Variants in TPRA1 observed in about 807,000 individuals in gnomAD.
The protein encoded by TPRA1 is transmembrane protein adipocyte-associated 1.
In TPRA1, 28 loss-of-function variants were observed where a neutral mutation model predicts 40.1. That is an observed-to-expected ratio of 0.70 (90% confidence interval 0.52 to 0.96). The LOEUF (loss-of-function observed/expected upper bound fraction) is 0.96, where lower values mean the gene tolerates loss of function less well. Among genes scored for constraint, TPRA1 ranks in the 40% least tolerant of loss-of-function variants. The pLI is 0.00. For synonymous variants in TPRA1, 219 were observed against 209.7 expected, an observed-to-expected ratio of 1.04 and a Z score of -0.38; for missense variants, 441 against 482.6, an observed-to-expected ratio of 0.91 and a Z score of 0.81.
At chr3:127,595,216 C>T (rs2074229533), upstream of TPRA1, among the ~76,000 whole-genome samples, 1 of 152,242 alleles carries the variant, frequency 6.6e-6, no homozygotes, top group South Asian at 2.1e-4. Context: ...AGGCTGCCTA[C>T]TCACCCCACC....
At chr3:127,589,919 C>T (rs1341608831) in intron 1 of TPRA1, among the ~76,000 whole-genome samples, 1 of 152,216 alleles carries the variant, frequency 6.6e-6, no homozygotes, top group South Asian at 2.1e-4. Flanking sequence ...GAGAAGAGGG[C>T]AAAGCCAGCC....
intron 1 of TPRA1, among the ~76,000 whole-genome samples, chr3:127,596,177 T>C (rs1159182262): frequency 1.3e-5 from 2 of 152,218 alleles, no homozygotes; most frequent in Admixed American, 6.5e-5. Flanking sequence ...CCTCCAGTGT[T>C]CAAGTGATTC....
chr3:127,581,354 C>G (rs1461377926), intron 1 of TPRA1, among the ~76,000 whole-genome samples: 4 of 152,174 alleles, frequency 2.6e-5, no homozygotes, highest in Admixed American at 2.6e-4. Flanking sequence ...AAAGAACAAC[C>G]CACTGCTACA....
intron 1 of TPRA1, among the ~76,000 whole-genome samples, chr3:127,589,838 GAAC>G (rs2074114808): frequency 6.6e-6 from 1 of 152,212 alleles, no homozygotes; most frequent in Non-Finnish European, 1.5e-5. Flanking sequence ...GTTATGACGG[GAAC>G]AACTGAATCT....
Position 127,575,487 on chromosome 3 carries a change from A to G in TPRA1, c.689T>C (p.Val230Ala), listed in dbSNP as rs899440348. 1.9e-6 allele frequency: 3 copies of G among 1,589,916 alleles called. No homozygotes were observed. The highest frequency in any genetic ancestry group is 2.6e-6 in the Non-Finnish European group (3 of 1,169,072). ...GAGCAGTGCCAGGATGCCCGCATAC[A>G]CGTAGAAGCTCCTCCGAGCTGGGGG... ...ISLPSRRSFYVYAGILALLNL... is the reference protein window; with the variant it reads ...ISLPSRRSFYAYAGILALLNL... Residue 230 changes from valine (V) to alanine (A), a missense_variant, in exon 9 of 11, where the codon GTG becomes GCG. Val to Ala is a moderately conservative substitution (Grantham distance 64). Coordinates refer to ENST00000355552, the MANE Select transcript of TPRA1 (RefSeq NM_001136053.4).
intron 10 of TPRA1, 128 bp downstream of exon 10, chr3:127,575,057 T>C (rs747530492): frequency 1.5e-5 from 15 of 978,882 alleles, no homozygotes; most frequent in South Asian, 4.7e-5. Flanking sequence ...CAAGTGCATG[T>C]ATGTATGTGC....
At chr3:127,583,084 T>A (rs1306876608) in intron 1 of TPRA1, among the ~76,000 whole-genome samples, 1 of 149,632 alleles carries the variant, frequency 6.7e-6, no homozygotes, top group African/African-American at 2.5e-5. Context: ...AGGCATAGGT[T>A]ACGTTTAGCT....
chr3:127,582,699 C>T (rs1197460631), intron 1 of TPRA1, among the ~76,000 whole-genome samples: 4 of 137,242 alleles, frequency 2.9e-5, no homozygotes, highest in Admixed American at 1.5e-4. Context: ...AAGACTCTGT[C>T]TCAAAAAAAA....
At chr3:127,581,920 T>C (rs1440230427) in intron 1 of TPRA1, among the ~76,000 whole-genome samples, 2 of 127,828 alleles carry the variant, frequency 1.6e-5, no homozygotes, top group South Asian at 4.8e-4. Context: ...AGACTCCATC[T>C]CAAAAAAAAA....
At chr3:127,598,107 C>A (rs562754596) in exon 1 of TPRA1, 1 of 380,866 alleles carries the variant, frequency 2.6e-6, no homozygotes, top group African/African-American at 2.2e-5. Flanking sequence ...CGCCCGGCCT[C>A]TGTTGTCTTG....
chr3:127,579,867 C>T lies in TPRA1; in HGVS notation c.131G>A (p.Arg44Gln), dbSNP rs777525599. ...GATGAGCAGCAAGAGGTCCCAGTACCGGACCCTGGCGGATGGGCACAGGAG... is the reference window on the plus strand; with the variant it reads ...GATGAGCAGCAAGAGGTCCCAGTACTGGACCCTGGCGGATGGGCACAGGAG... ...LYEDIGTSRV[R>Q]YWDLLLLIPN... is the part of the protein sequence containing the mutation. Residue 44 changes from arginine (R) to glutamine (Q), a missense_variant, in exon 3 of 11, where the codon CGG (arginine) becomes CAG (glutamine). By Grantham distance (43) the Arg-to-Gln change is conservative (BLOSUM62 1). Transcript: ENST00000355552. The T allele has an allele frequency of 9.9e-6, 16 of 1,613,426 alleles. No homozygotes were observed. Among genetic ancestry groups the T allele is most frequent in the South Asian group, 5.5e-5 (5 of 91,072 alleles).
At chr3:127,584,120 TAAAAAGCAAACTTGGAAAAAAAAA>T (rs2073922282) in intron 1 of TPRA1, among the ~76,000 whole-genome samples, 1 of 144,312 alleles carries the variant, frequency 6.9e-6, no homozygotes, top group Non-Finnish European at 1.5e-5. Context: ...AAACCCTATT[TAAAAAGCAAACTTGGAAAAAAAAA>T]AAAAAGCAAA....
At chr3:127,574,327 C>A (rs1027882252) in intron 10 of TPRA1, among the ~76,000 whole-genome samples, 7 of 152,236 alleles carry the variant, frequency 4.6e-5, no homozygotes, top group Non-Finnish European at 8.8e-5. Flanking sequence ...CCAGCTTCAC[C>A]CAGGTGGGAG....
chr3:127,587,004 C>T (rs1455978721), intron 1 of TPRA1: 1 of 152,230 alleles, frequency 6.6e-6, no homozygotes, highest in Non-Finnish European at 1.5e-5. Flanking sequence ...AGACTCTAGA[C>T]TCTCTGGAAG....
chr3:127,598,117 G>A (rs2074265686), exon 1 of TPRA1: 2 of 401,504 alleles, frequency 5.0e-6, no homozygotes, highest in Admixed American at 4.1e-5. Context: ...CTGTTGTCTT[G>A]TCAGCAAAAT....
rs149026727 is a variant in TPRA1 at position 127,573,707 on chromosome 3, G to A, written c.936C>T (p.Tyr312=). The part of the protein sequence containing the change: ...EEPDVHLPQP[Y]AVARREGLEA... ...CCAGGCCCTCCCGCCGGGCCACAGCGTAGGGCTGGGGTAGGTGTACATCTG... is the reference window on the plus strand; with the variant it reads ...CCAGGCCCTCCCGCCGGGCCACAGCATAGGGCTGGGGTAGGTGTACATCTG... Residue 312 remains tyrosine, a synonymous_variant, in exon 11 of 11, where the codon TAC becomes TAT. Coordinates refer to ENST00000355552, the MANE Select transcript of TPRA1 (RefSeq NM_001136053.4). 124 of 1,613,076 alleles carry A rather than the reference G, an allele frequency of 7.7e-5. No homozygotes were observed. Among genetic ancestry groups the A allele is most frequent in the Admixed American group, 1.3e-4 (8 of 59,968 alleles).
In TPRA1 at chr3:127,573,654, G is replaced by A. The variant is rs1361223438; in HGVS notation, c.989C>T (p.Ala330Val). 1 of 1,613,494 alleles carries A rather than the reference G, an allele frequency of 6.2e-7. No individual in the cohort carries two copies. The highest frequency in any genetic ancestry group is 2.2e-5 in the East Asian group (1 of 44,880). ...LEAAGAAGASAASYSSTQFDS... is the reference protein window; with the variant it reads ...LEAAGAAGASVASYSSTQFDS... ...GAACTGCGTGCTCGAGTAGCTGGCA[G>A]CTGAGGCCCCAGCAGCCCCTGCAGC... Residue 330 changes from alanine (A) to valine (V), a missense_variant, in exon 11 of 11, where the codon GCT (alanine) becomes GTT (valine). Transcript: ENST00000355552.
At chr3:127,584,044 C>T (rs1244372084) in intron 1 of TPRA1, among the ~76,000 whole-genome samples, 1 of 151,462 alleles carries the variant, frequency 6.6e-6, no homozygotes. Flanking sequence ...GGTGGTTGGA[C>T]GTGGCACGGA....
chr3:127,578,092 T>G (rs1308613506), intron 3 of TPRA1, among the ~76,000 whole-genome samples: 1 of 145,846 alleles, frequency 6.9e-6, no homozygotes, highest in East Asian at 2.0e-4. Context: ...GCCCAGGAAC[T>G]GCCCAGTTTC....
Sources: gnomAD v4.1 joint callset for allele counts (sites outside exome capture counted in the v4.1 genomes callset) on GRCh38, gnomAD v4.1.1 for gene constraint, MANE v1.5 for transcripts, NCBI Gene and HGNC (gene_info 2026-07-23, HGNC 2026-07-21) for gene names.